The following RYR2 variants were observed in gnomAD, a reference collection of about 807,000 sequenced individuals.
RYR2 encodes ryanodine receptor 2, also known as cardiac muscle ryanodine receptor-calcium release channel.
In RYR2, 227 loss-of-function variants were observed where a neutral mutation model predicts 601.1. The observed-to-expected ratio is 0.38, with a 90% CI of 0.34 to 0.42. The LOEUF (loss-of-function observed/expected upper bound fraction) is 0.42. Ranked by LOEUF, RYR2 falls within the 10% of genes least tolerant of loss-of-function variation. The pLI, the probability that RYR2 is intolerant of heterozygous loss-of-function variation, is 1.00. For missense variants in RYR2, 4,646 were observed against 6,156.5 expected (o/e 0.75, Z 8.21); for synonymous variants, 2,223 against 2,175.1 (o/e 1.02, Z -0.61).
chr1:237,516,401 G>A (rs967745799), intron 24 of RYR2, among the ~76,000 whole-genome samples: 1 of 152,144 alleles, frequency 6.6e-6, no homozygotes, highest in Non-Finnish European at 1.5e-5. Context: ...TTGCAGGCGT[G>A]AGCCACTGTG....
chr1:237,383,959 T>C (rs1443633756), intron 8 of RYR2, among the ~76,000 whole-genome samples: 2 of 152,184 alleles, frequency 1.3e-5, no homozygotes, highest in African/African-American at 4.8e-5. Context: ...CCAGTGTCTG[T>C]TTTTGCTTTA....
chr1:237,119,838 A>C (rs1268838777), intron 1 of RYR2, among the ~76,000 whole-genome samples: 2 of 152,180 alleles, frequency 1.3e-5, no homozygotes, highest in African/African-American at 4.8e-5. Context: ...CAATCACTGC[A>C]TCTCATCTCT....
intron 1 of RYR2, among the ~76,000 whole-genome samples, chr1:237,211,965 T>C (rs1682632130): frequency 6.6e-6 from 1 of 152,230 alleles, no homozygotes; most frequent in Non-Finnish European, 1.5e-5. Context: ...GTTAAAATAT[T>C]TGAAGTCAGA....
rs1331557960 is a variant in RYR2 at position 237,700,368 on chromosome 1, G to T, written c.9268G>T (p.Val3090Phe). 4 of 1,606,056 alleles carry T rather than the reference G, an allele frequency of 2.5e-6. No homozygotes were observed. The East Asian group carries it at 6.7e-5, about 27-fold the overall frequency. Residue 3090 changes from valine (V) to phenylalanine (F), a missense_variant, in exon 65 of 105, where the codon GTT (valine) becomes TTT (phenylalanine). This residue lies in a region of RYR2 where 1,497 missense variants were observed against 1,842.6 expected (regional missense o/e 0.81). Transcript: ENST00000366574. ...TCACACCCGAAACCAGCCCAAAGGG[G>T]TTACTCAGATTATCAATTACACCAC... ...FTHTRNQPKG[V>F]TQIINYTTVA...
At chr1:237,561,293 A>G (rs768091595) in intron 27 of RYR2, among the ~76,000 whole-genome samples, 1 of 152,216 alleles carries the variant, frequency 6.6e-6, no homozygotes, top group Non-Finnish European at 1.5e-5. Context: ...TTTAGTGTTT[A>G]CTATGTGCCA....
At chr1:237,493,140 T>C (rs554594941) in intron 19 of RYR2, 53 bp downstream of exon 19, 98 of 1,600,344 alleles carry the variant, frequency 6.1e-5, no homozygotes, top group Middle Eastern at 3.3e-4. Flanking sequence ...AAAGAATTAA[T>C]GTTCTTGCCC....
chr1:237,348,143 G>A (rs1036966401), intron 3 of RYR2, among the ~76,000 whole-genome samples: 2 of 152,154 alleles, frequency 1.3e-5, no homozygotes, highest in African/African-American at 4.8e-5. Context: ...GTATTTCTCT[G>A]TTGGTGGTGA....
chr1:237,669,084 G>A (rs912659816), intron 58 of RYR2, among the ~76,000 whole-genome samples: 3 of 148,586 alleles, frequency 2.0e-5, no homozygotes, highest in African/African-American at 7.3e-5. Flanking sequence ...GACTCTTAAC[G>A]AGCATGCTGC....
At chr1:237,336,925 A>G (rs918963475) in intron 3 of RYR2, among the ~76,000 whole-genome samples, 2 of 149,734 alleles carry the variant, frequency 1.3e-5, no homozygotes. Flanking sequence ...TAAAACCCCT[A>G]TCTCTTTAAG....
Position 237,719,857 on chromosome 1 carries a change from T to G in RYR2, c.10554+1336T>G, listed in dbSNP as rs191199787. On this transcript the variant is annotated intron_variant, in intron 73 of 104. Transcript: ENST00000366574. ...AACTCAGCTCCCACCAGGTCCCGTC[T>G]CCAACACTGAGGATTACATTTCCAC... Among the ~76,000 whole-genome samples the G allele has an allele frequency of 1.1e-4, 16 of 152,202 alleles. No individual in the cohort carries two copies. In the East Asian group the frequency reaches 2.7e-3, roughly 26 times the overall value.
chr1:237,327,562 A>G (rs982410652), intron 2 of RYR2, among the ~76,000 whole-genome samples: 2 of 152,214 alleles, frequency 1.3e-5, no homozygotes, highest in African/African-American at 4.8e-5. Context: ...CAATACTGGA[A>G]CATTTTGGAT....
At chr1:237,738,954 C>A (rs1691376318) in intron 79 of RYR2, among the ~76,000 whole-genome samples, 1 of 152,180 alleles carries the variant, frequency 6.6e-6, no homozygotes, top group Non-Finnish European at 1.5e-5. Context: ...TTCTGGTGAT[C>A]CACACCCCCT....
intron 1 of RYR2, among the ~76,000 whole-genome samples, chr1:237,188,896 C>T (rs1269849584): frequency 2.0e-5 from 3 of 152,052 alleles, no homozygotes; most frequent in Non-Finnish European, 4.4e-5. Flanking sequence ...GTGATAAAAA[C>T]ATAAAACATT....
chr1:237,403,988 C>T (rs1442161026), intron 10 of RYR2, among the ~76,000 whole-genome samples: 1 of 152,040 alleles, frequency 6.6e-6, no homozygotes, highest in Non-Finnish European at 1.5e-5. Context: ...CTGTGGTGGC[C>T]CACATCTGTA....
intron 31 of RYR2, among the ~76,000 whole-genome samples, chr1:237,591,515 T>A (rs141222406): frequency 2.9e-3 from 441 of 152,130 alleles, no homozygotes; most frequent in Non-Finnish European, 4.4e-3. Context: ...ACCTTGGACA[T>A]TGAAGGATGC....
chr1:237,359,948 CTG>C (rs781220398), intron 4 of RYR2, among the ~76,000 whole-genome samples: 4 of 152,170 alleles, frequency 2.6e-5, no homozygotes, highest in Non-Finnish European at 5.9e-5. Flanking sequence ...ATGAAATAGA[CTG>C]TGAGATTGTT....
intron 1 of RYR2, among the ~76,000 whole-genome samples, chr1:237,234,110 G>A (rs1022487004): frequency 2.0e-5 from 3 of 152,146 alleles, no homozygotes; most frequent in Non-Finnish European, 2.9e-5. Context: ...CAGGGAACTC[G>A]CATGGAGTAT....
intron 63 of RYR2, among the ~76,000 whole-genome samples, chr1:237,695,405 T>C (rs1271307775): frequency 6.6e-6 from 1 of 152,130 alleles, no homozygotes; most frequent in Non-Finnish European, 1.5e-5. Flanking sequence ...TCAGAGGTGA[T>C]GAGAGGTGTG....
intron 10 of RYR2, among the ~76,000 whole-genome samples, chr1:237,403,539 C>T (rs1363556283): frequency 6.6e-6 from 1 of 152,160 alleles, no homozygotes; most frequent in Non-Finnish European, 1.5e-5. Context: ...GATTCTCCCA[C>T]CTTGGTCTCC....
Sources: gnomAD v4.1 joint callset for allele counts (sites outside exome capture counted in the v4.1 genomes callset) on GRCh38, gnomAD v4.1.1 for gene constraint, gnomAD v4.1.1 regional missense constraint, MANE v1.5 for transcripts, NCBI Gene and HGNC (gene_info 2026-07-23, HGNC 2026-07-21) for gene names.